The following TENM4 variants were observed in gnomAD, a reference collection of about 807,000 sequenced individuals.
The protein encoded by TENM4 is teneurin transmembrane protein 4.
Under a neutral mutation model 243.3 loss-of-function variants are expected in TENM4, and 82 were observed. The ratio of observed to expected loss-of-function variants is 0.34; its 90% CI spans 0.28 to 0.40. TENM4 has a LOEUF of 0.40. TENM4 is among the 10% of genes least tolerant of loss of function. The probability of loss-of-function intolerance (pLI) is 1.00; values close to 1 mark genes in which losing one functional copy is unlikely to be tolerated. For missense variants in TENM4, 3,138 were observed against 3,673.3 expected (o/e 0.85, Z 3.77); for synonymous variants, 1,412 against 1,456.3 (o/e 0.97, Z 0.69).
chr11:79,018,299 T>G (rs1272793851), intron 6 of TENM4, among the ~76,000 whole-genome samples: 6 of 152,164 alleles, frequency 3.9e-5, no homozygotes, highest in Admixed American at 2.0e-4. Flanking sequence ...AACAACATAT[T>G]ATCTGGCTAC....
At chr11:78,854,070 A>G in intron 12 of TENM4, 34 bp downstream of exon 12, 1 of 1,535,308 alleles carries the variant, frequency 6.5e-7, no homozygotes, top group Non-Finnish European at 8.8e-7. Context: ...AAGAGACAAT[A>G]TCCCACAGCC....
chr11:78,663,081 T>C (rs1858071282), intron 32 of TENM4, among the ~76,000 whole-genome samples: 1 of 152,052 alleles, frequency 6.6e-6, no homozygotes, highest in Non-Finnish European at 1.5e-5. Flanking sequence ...CAAGAAGAGC[T>C]TCAGATGGCA....
chr11:79,025,849 G>A (rs955766088), intron 6 of TENM4, among the ~76,000 whole-genome samples: 1 of 152,136 alleles, frequency 6.6e-6, no homozygotes, highest in African/African-American at 2.4e-5. Context: ...GATCTCTCTC[G>A]ATTACAATGA....
intron 6 of TENM4, among the ~76,000 whole-genome samples, chr11:78,939,029 C>T (rs749294322): frequency 6.6e-6 from 1 of 152,238 alleles, no homozygotes; most frequent in Non-Finnish European, 1.5e-5. Flanking sequence ...AAACACATTT[C>T]TGTGCACATA....
chr11:79,412,113 G>A (rs75793118), intron 1 of TENM4, among the ~76,000 whole-genome samples: 5,163 of 152,244 alleles, frequency 0.034, 155 homozygotes, highest in East Asian at 0.062. Flanking sequence ...CCACCACCAG[G>A]ACAGCTCAGG....
intron 4 of TENM4, among the ~76,000 whole-genome samples, chr11:79,138,594 CAT>C (rs1428579148): frequency 9.3e-4 from 73 of 78,662 alleles, no homozygotes; most frequent in Middle Eastern, 0.017. Flanking sequence ...ATACATAAAA[CAT>C]ATATTATATT....
chr11:78,843,433 G>A (rs1006893321), intron 12 of TENM4, among the ~76,000 whole-genome samples: 2 of 151,576 alleles, frequency 1.3e-5, no homozygotes, highest in Non-Finnish European at 2.9e-5. Flanking sequence ...GCTGCAGCGA[G>A]CTATGATTGT....
intron 19 of TENM4, among the ~76,000 whole-genome samples, chr11:78,750,458 G>A (rs571502991): frequency 1.3e-5 from 2 of 152,330 alleles, no homozygotes; most frequent in East Asian, 3.9e-4. Flanking sequence ...CCTGCCAGAA[G>A]TCTTCATTTG....
intron 3 of TENM4, among the ~76,000 whole-genome samples, chr11:79,196,191 C>T (rs1321828030): frequency 2.0e-5 from 3 of 151,972 alleles, no homozygotes; most frequent in East Asian, 3.9e-4. Flanking sequence ...ATGTCTTTAT[C>T]GGCAGCGTGA....
chr11:79,168,248 G>A (rs565074073), intron 3 of TENM4, among the ~76,000 whole-genome samples: 1 of 152,262 alleles, frequency 6.6e-6, no homozygotes, highest in South Asian at 2.1e-4. Flanking sequence ...GTGGGGTGCT[G>A]GGGTACAGAA....
At chr11:79,406,086 G>A (rs190768861) in intron 1 of TENM4, among the ~76,000 whole-genome samples, 1 of 152,164 alleles carries the variant, frequency 6.6e-6, no homozygotes, top group Admixed American at 6.5e-5. Flanking sequence ...TTCTTGGCCT[G>A]ACTGTGCAGA....
At chr11:78,818,951 T>G (rs1857666293) in intron 12 of TENM4, among the ~76,000 whole-genome samples, 1 of 132,856 alleles carries the variant, frequency 7.5e-6, no homozygotes, top group Admixed American at 7.3e-5. Flanking sequence ...ATCACAGCAG[T>G]GGGTCCTGGT....
chr11:78,711,309 G>GTAA (rs1859391441), intron 26 of TENM4, among the ~76,000 whole-genome samples: 2 of 152,124 alleles, frequency 1.3e-5, no homozygotes, highest in Non-Finnish European at 2.9e-5. Context: ...ACCATGTGCG[G>GTAA]GGTACTACTG....
intron 6 of TENM4, among the ~76,000 whole-genome samples, chr11:79,029,248 G>A (rs575563265): frequency 1.3e-5 from 2 of 152,240 alleles, no homozygotes; most frequent in East Asian, 3.9e-4. Flanking sequence ...CTGCTCTTAA[G>A]GAGCTCAAAG....
rs183548874 is a variant in TENM4 at position 79,021,410 on chromosome 11, C to T, written c.493+43328G>A. ...AATGCAAGTAGCATCTGAGAGTAAA[C>T]TACTTATAGGCAAAGGAGTGGGGAT... On this transcript the variant is annotated intron_variant, in intron 6 of 33. Coordinates refer to ENST00000278550, the MANE Select transcript of TENM4 (RefSeq NM_001098816.3). Among the ~76,000 whole-genome samples the T allele has an allele frequency of 2.4e-4, 37 of 152,276 alleles. 1 individual carries two copies. The highest frequency in any genetic ancestry group is 8.9e-4 in the African/African-American group (37 of 41,546).
intron 6 of TENM4, among the ~76,000 whole-genome samples, chr11:79,029,473 G>A (rs1316353561): frequency 6.6e-6 from 1 of 152,166 alleles, no homozygotes; most frequent in African/African-American, 2.4e-5. Context: ...GGCTGGTTTA[G>A]TTTCTCCTGT....
At chr11:79,208,080 C>T (rs999752612) in intron 3 of TENM4, among the ~76,000 whole-genome samples, 3 of 151,990 alleles carry the variant, frequency 2.0e-5, no homozygotes. Context: ...TCTTAACATC[C>T]TGGAATTCTT....
chr11:79,313,984 C>A lies in TENM4; in HGVS notation c.-320-16441G>T, dbSNP rs899011380. 3.9e-5 allele frequency among the ~76,000 whole-genome samples: 6 copies of A among 152,310 alleles called. No homozygotes were observed. The East Asian group carries it at 1.2e-3, about 29-fold the overall frequency. ...CCTCCACTCTGCAGCCCAAGCCTTT[C>A]TTCTAAACCCGTCATTCATCTCCCT... On this transcript the variant is annotated intron_variant, in intron 1 of 33. Coordinates refer to ENST00000278550, the MANE Select transcript of TENM4 (RefSeq NM_001098816.3).
At chr11:78,884,776 C>T (rs1313017414) in intron 9 of TENM4, among the ~76,000 whole-genome samples, 14 of 152,180 alleles carry the variant, frequency 9.2e-5, no homozygotes, top group Admixed American at 8.5e-4. Context: ...GAAAATAATT[C>T]GAAAGCATCA....
Sources: allele counts gnomAD v4.1 joint callset (sites outside exome capture counted in the v4.1 genomes callset), GRCh38; gene constraint gnomAD v4.1.1; transcripts MANE v1.5; gene names NCBI Gene and HGNC (gene_info 2026-07-23, HGNC 2026-07-21).